The following PRKAG2 variants were observed in gnomAD, a reference collection of about 807,000 sequenced individuals.
The protein encoded by PRKAG2 is protein kinase AMP-activated non-catalytic subunit gamma 2, also known as 5'-AMP-activated protein kinase subunit gamma-2.
Under a neutral mutation model 69.6 loss-of-function variants are expected in PRKAG2, and 26 were observed. The ratio of observed to expected loss-of-function variants is 0.37; its 90% CI spans 0.27 to 0.52. The LOEUF is 0.52. PRKAG2 is among the 20% of genes least tolerant of loss of function. PRKAG2 has a pLI of 0.90. For synonymous variants in PRKAG2, 293 were observed against 285.0 expected, an observed-to-expected ratio of 1.03 and a Z score of -0.28; for missense variants, 557 against 740.0, an observed-to-expected ratio of 0.75 and a Z score of 2.87.
chr7:151,709,183 G>A (rs1025316505), intron 3 of PRKAG2, among the ~76,000 whole-genome samples: 4 of 152,102 alleles, frequency 2.6e-5, no homozygotes, highest in Admixed American at 6.5e-5. Context: ...CTGTGACACC[G>A]ATGTATGAAC....
intron 1 of PRKAG2, among the ~76,000 whole-genome samples, chr7:151,854,829 G>T (rs1449239991): frequency 1.3e-5 from 2 of 152,102 alleles, no homozygotes; most frequent in Non-Finnish European, 2.9e-5. Context: ...GTCAAAGAAA[G>T]GACACATCTG....
intron 3 of PRKAG2, among the ~76,000 whole-genome samples, chr7:151,707,307 G>T (rs1334203325): frequency 6.6e-6 from 1 of 152,212 alleles, no homozygotes; most frequent in African/African-American, 2.4e-5. Context: ...AATAAGGCAA[G>T]TCCCTGATAA....
At chr7:151,627,750 C>A (rs532351703) in intron 5 of PRKAG2, among the ~76,000 whole-genome samples, 1 of 152,270 alleles carries the variant, frequency 6.6e-6, no homozygotes, top group South Asian at 2.1e-4. Flanking sequence ...AGTGGTGCAA[C>A]CACATGCGCT....
chr7:151,735,891 G>A (rs1396818227), intron 3 of PRKAG2: 1 of 1,536,224 alleles, frequency 6.5e-7, no homozygotes. Flanking sequence ...GGAATGGGCA[G>A]AGTCCTACCG....
chr7:151,809,722 G>C (rs1282956264), intron 1 of PRKAG2: 3 of 156,806 alleles, frequency 1.9e-5, no homozygotes, highest in African/African-American at 7.2e-5. Context: ...TTAGGTACTA[G>C]AAAACCTTGG....
Position 151,777,244 on chromosome 7 carries a change from ATCC to A in PRKAG2, c.466+3905_466+3907del, listed in dbSNP as rs1280884285. ...ACCCCATGTGGACACCAGCAGAGTCATCCCCAGGCCTGTGCCTGCGTTCCCTCA... is the reference window on the plus strand; with the variant it reads ...ACCCCATGTGGACACCAGCAGAGTCACCAGGCCTGTGCCTGCGTTCCCTCA... On this transcript the variant is annotated intron_variant, in intron 3 of 15. Coordinates refer to ENST00000287878, the MANE Select transcript of PRKAG2 (RefSeq NM_016203.4). This position sits in a 1 kb window ranked among gnomAD's most constrained non-coding sequence, Gnocchi z 4.3. 2.0e-5 allele frequency among the ~76,000 whole-genome samples: 3 copies of A among 152,214 alleles called. No homozygotes were observed. The highest frequency in any genetic ancestry group is 4.4e-5 in the Non-Finnish European group (3 of 68,038).
At chr7:151,563,716 A>C (rs978028689) in intron 14 of PRKAG2, among the ~76,000 whole-genome samples, 6 of 152,186 alleles carry the variant, frequency 3.9e-5, no homozygotes, top group African/African-American at 1.4e-4. Context: ...ATTAGCTATG[A>C]CTACAGGTCC....
intron 5 of PRKAG2, among the ~76,000 whole-genome samples, chr7:151,611,402 C>T (rs1323925578): frequency 2.0e-5 from 3 of 152,192 alleles, no homozygotes; most frequent in East Asian, 1.9e-4. Context: ...TGCCAGAGGC[C>T]GCCCTGTTCC....
chr7:151,694,601 T>C (rs1469944794), intron 3 of PRKAG2, among the ~76,000 whole-genome samples: 2 of 152,178 alleles, frequency 1.3e-5, no homozygotes, highest in Admixed American at 6.5e-5. Flanking sequence ...TCAAGGTTCA[T>C]CCACAAGGCA....
intron 5 of PRKAG2, among the ~76,000 whole-genome samples, chr7:151,628,271 C>T (rs1048766381): frequency 2.0e-5 from 3 of 152,206 alleles, no homozygotes; most frequent in Non-Finnish European, 2.9e-5. Context: ...CTTCAAAAAG[C>T]ATTCATGAGT....
chr7:151,779,120 T>C (rs775711557), intron 3 of PRKAG2, among the ~76,000 whole-genome samples: 8 of 152,214 alleles, frequency 5.3e-5, no homozygotes, highest in Non-Finnish European at 1.0e-4. Context: ...TGAAAGAGAT[T>C]GAAAATCTAA....
Position 151,877,016 on chromosome 7 carries a change from C to A in PRKAG2, c.-396G>T, listed in dbSNP as rs1292134092. 1 of 323,366 alleles carries A rather than the reference C, an allele frequency of 3.1e-6. No individual in the cohort carries two copies. The allele number at this position is 323,366 out of a possible 1,614,324, so 20.0% of individuals were successfully genotyped here. A position where few individuals can be genotyped will look rare whatever the true frequency, so the allele number is the denominator to read the frequency against. ...ATCTGAAAGGCAGGTGCAATTAAAA[C>A]CAGCAATTTGGAAAACAAGCCTCCT... On this transcript the variant is annotated 5_prime_UTR_variant, in exon 1 of 16. Coordinates refer to ENST00000287878, the MANE Select transcript of PRKAG2 (RefSeq NM_016203.4).
At chr7:151,830,075 G>A (rs1042761208) in intron 1 of PRKAG2, among the ~76,000 whole-genome samples, 6 of 151,424 alleles carry the variant, frequency 4.0e-5, no homozygotes, top group Admixed American at 2.0e-4. Context: ...GGAGAAATGG[G>A]ATGGAATGGC....
chr7:151,589,395 G>A (rs1002173234), intron 6 of PRKAG2, among the ~76,000 whole-genome samples: 1 of 152,168 alleles, frequency 6.6e-6, no homozygotes, highest in Non-Finnish European at 1.5e-5. Context: ...ATGGGTCACT[G>A]AGCCTCATCC....
At chr7:151,584,185 G>A (rs931906776) in intron 6 of PRKAG2, among the ~76,000 whole-genome samples, 1 of 152,148 alleles carries the variant, frequency 6.6e-6, no homozygotes, top group Non-Finnish European at 1.5e-5. Context: ...TTCGACTTCA[G>A]AAGAACAGTT....
chr7:151,679,610 C>A (rs928339729), intron 3 of PRKAG2, among the ~76,000 whole-genome samples: 2 of 152,180 alleles, frequency 1.3e-5, no homozygotes, highest in African/African-American at 4.8e-5. Flanking sequence ...CCTGTGCCAC[C>A]CCCCACATCC....
chr7:151,559,824 C>A (rs1804517315), intron 15 of PRKAG2: 4 of 984,836 alleles, frequency 4.1e-6, no homozygotes, highest in East Asian at 1.1e-4. Flanking sequence ...TTGACTGGGG[C>A]TGGGGAGGTG....
chr7:151,649,600 C>T (rs959632738), intron 4 of PRKAG2, among the ~76,000 whole-genome samples: 5 of 152,166 alleles, frequency 3.3e-5, no homozygotes, highest in Admixed American at 6.5e-5. Context: ...ATCATGGGGG[C>T]GGTTTCTCAT....
At chr7:151,693,111 G>A (rs1424975960) in intron 3 of PRKAG2, among the ~76,000 whole-genome samples, 2 of 152,214 alleles carry the variant, frequency 1.3e-5, no homozygotes, top group African/African-American at 2.4e-5. Context: ...TCAGTCACCC[G>A]GCGCTCCTGA....
Sources: allele counts gnomAD v4.1 joint callset (sites outside exome capture counted in the v4.1 genomes callset), GRCh38; gene constraint gnomAD v4.1.1; non-coding constraint Gnocchi (gnomAD v3.1); transcripts MANE v1.5; gene names NCBI Gene and HGNC (gene_info 2026-07-23, HGNC 2026-07-21).